RET: variants seen among roughly 807,000 people sequenced by gnomAD.
RET encodes ret proto-oncogene.
RET carries 19 observed loss-of-function variants against 118.3 expected under a neutral mutation model. The ratio of observed to expected loss-of-function variants is 0.16; its 90% CI spans 0.11 to 0.24. The LOEUF is 0.24. Among genes scored for constraint, RET ranks in the 10% least tolerant of loss-of-function variants. RET has a pLI of 1.00. For synonymous variants in RET, 597 were observed against 644.1 expected (o/e 0.93, Z 1.11); for missense variants, 1,219 against 1,502.1 (o/e 0.81, Z 3.12).
intron 1 of RET, among the ~76,000 whole-genome samples, chr10:43,087,765 T>G (rs943910423): frequency 2.0e-5 from 3 of 152,216 alleles, no homozygotes; most frequent in Admixed American, 2.0e-4. Context: ...GGTGGCCCTG[T>G]GGGTCTTCAC....
chr10:43,115,534 T>C (rs1564496861), intron 11 of RET, among the ~76,000 whole-genome samples: 2 of 152,214 alleles, frequency 1.3e-5, no homozygotes, highest in Non-Finnish European at 2.9e-5. Context: ...GTGGTCCCCA[T>C]CCTGGCCTGG....
intron 1 of RET, among the ~76,000 whole-genome samples, chr10:43,078,759 C>T (rs757038260): frequency 6.6e-6 from 1 of 152,210 alleles, no homozygotes; most frequent in Non-Finnish European, 1.5e-5. Context: ...GCTGTGGGGG[C>T]CAGGCTCTGG....
chr10:43,103,966 G>A (rs1837699126), intron 3 of RET, among the ~76,000 whole-genome samples: 1 of 152,202 alleles, frequency 6.6e-6, no homozygotes, highest in Non-Finnish European at 1.5e-5. Flanking sequence ...TATTTCTGGA[G>A]GACAAATCCG....
intron 1 of RET, among the ~76,000 whole-genome samples, chr10:43,095,806 G>A (rs1413361217): frequency 2.0e-5 from 3 of 152,238 alleles, no homozygotes; most frequent in African/African-American, 4.8e-5. Flanking sequence ...CTCTCTGAAT[G>A]TGAGCAGCAA....
chr10:43,127,652 C>A, intron 19 of RET: 4 of 283,620 alleles, frequency 1.4e-5, no homozygotes, highest in Non-Finnish European at 2.5e-5. Flanking sequence ...TTTGTGCTGA[C>A]GATGCTATGA....
intron 3 of RET, 120 bp from the exon 4 acceptor site, chr10:43,104,832 G>A (rs1235202198): frequency 1.5e-5 from 22 of 1,444,274 alleles, no homozygotes; most frequent in Non-Finnish European, 1.9e-5. Flanking sequence ...CGGAGGAGGG[G>A]AGGCCTGGGG....
At chr10:43,117,268 G>A (rs1470526799) in intron 12 of RET, among the ~76,000 whole-genome samples, 2 of 152,280 alleles carry the variant, frequency 1.3e-5, no homozygotes, top group Admixed American at 6.5e-5. Context: ...TGGCGGTGAG[G>A]GAGAGTGGTT....
intron 1 of RET, among the ~76,000 whole-genome samples, chr10:43,098,512 C>T (rs1332673836): frequency 2.0e-5 from 3 of 151,420 alleles, no homozygotes; most frequent in Non-Finnish European, 4.4e-5. Context: ...ACCTCCGCCT[C>T]GTGGGTTCAA....
At chr10:43,090,474 A>G (rs1469677572) in intron 1 of RET, among the ~76,000 whole-genome samples, 1 of 152,072 alleles carries the variant, frequency 6.6e-6, no homozygotes, top group East Asian at 1.9e-4. Context: ...GAGGCCTCAG[A>G]TGGGTCCCTG....
chr10:43,101,168 CT>C (rs1255654219), intron 2 of RET, among the ~76,000 whole-genome samples: 8 of 151,384 alleles, frequency 5.3e-5, no homozygotes, highest in African/African-American at 1.9e-4. Flanking sequence ...GGACTTGGGC[CT>C]GTCCCAGGTG....
At chr10:43,115,939 G>A (rs1298956312) in intron 11 of RET, among the ~76,000 whole-genome samples, 1 of 152,180 alleles carries the variant, frequency 6.6e-6, no homozygotes, top group Non-Finnish European at 1.5e-5. Context: ...CTGGGGTGAC[G>A]GATGCCCAGA....
intron 1 of RET, among the ~76,000 whole-genome samples, chr10:43,078,251 G>C (rs1010393738): frequency 2.6e-5 from 4 of 152,220 alleles, no homozygotes; most frequent in Non-Finnish European, 5.9e-5. Flanking sequence ...TCCCCTCCAA[G>C]CGCTTGTGTA....
rs148655155 is a variant in RET at position 43,094,979 on chromosome 10, G to A, written c.74-5480G>A. On this transcript the variant is annotated intron_variant, in intron 1 of 19. Transcript: ENST00000355710. ...ACAGCCCCACGTGGTCCCTGAGACA[G>A]GAGCAGTAACATCAGAGGCACTAAG... Among the ~76,000 whole-genome samples, 160 of 152,290 alleles carry A rather than the reference G, an allele frequency of 1.1e-3. 3 individuals carry two copies. In the East Asian group the frequency reaches 0.016, roughly 15 times the overall value.
chr10:43,102,360 T>C lies in RET; in HGVS notation c.356T>C (p.Leu119Pro), dbSNP rs1588863912. Residue 119 changes from leucine (L) to proline (P), a missense_variant, in exon 3 of 20, where the codon CTC becomes CCC. Physicochemically the swap from Leu to Pro is moderately conservative, Grantham distance 98. This residue lies in a region of RET where 84 missense variants were observed against 163.6 expected (regional missense o/e 0.51). Coordinates refer to ENST00000355710, the MANE Select transcript of RET (RefSeq NM_020975.6). ...TCTGCAGACCGCGGCTTTCCCCTGC[T>C]CACCGTCTACCTCAAGGTCTTCCTG... is the stretch of plus-strand genomic sequence containing the variant. Reference protein sequence around the residue: ...LSVRNRGFPLLTVYLKVFLSP... With the variant: ...LSVRNRGFPLPTVYLKVFLSP... The C allele has an allele frequency of 6.2e-7, 1 of 1,614,072 alleles. No individual in the cohort carries two copies. Among genetic ancestry groups the C allele is most frequent in the African/African-American group, 1.3e-5 (1 of 74,942 alleles).
At chr10:43,109,461 T>C (rs1407784064) in intron 6 of RET, among the ~76,000 whole-genome samples, 4 of 152,208 alleles carry the variant, frequency 2.6e-5, no homozygotes, top group African/African-American at 9.6e-5. Flanking sequence ...CTTTCCATTC[T>C]TGGTATCTTT....
In RET at chr10:43,129,810, A is replaced by T; in HGVS notation, c.*1541A>T. On this transcript the variant is annotated 3_prime_UTR_variant, in exon 20 of 20. Transcript: ENST00000355710. ...CGCACACACCCAGAGGGAGAGTTTG[A>T]AAAATGCTTATTGGACACGTAACCT... The T allele has an allele frequency of 2.6e-6, 1 of 382,984 alleles. No individual in the cohort carries two copies. Among genetic ancestry groups the T allele is most frequent in the Non-Finnish European group, 4.6e-6 (1 of 218,092 alleles). The allele number at this position is 382,984 out of a possible 1,614,324, so 23.7% of individuals were successfully genotyped here.
At chr10:43,104,295 A>C (rs1837707661) in intron 3 of RET, among the ~76,000 whole-genome samples, 1 of 151,990 alleles carries the variant, frequency 6.6e-6, no homozygotes, top group Non-Finnish European at 1.5e-5. Context: ...AAAAAAAAAA[A>C]ACCTAACAGT....
intron 1 of RET, among the ~76,000 whole-genome samples, chr10:43,090,828 G>A (rs540403818): frequency 6.7e-6 from 1 of 149,984 alleles, no homozygotes; most frequent in Non-Finnish European, 1.5e-5. Context: ...ACCGAGGGCT[G>A]GCCCTAGCGG....
chr10:43,111,570 G>A (rs1319667091), intron 7 of RET, 105 bp downstream of exon 7: 1 of 1,321,810 alleles, frequency 7.6e-7, no homozygotes, highest in Non-Finnish European at 1.0e-6. Flanking sequence ...CTTAGCTGGG[G>A]AGTGGGGAAG....
Sources: allele counts gnomAD v4.1 joint callset (sites outside exome capture counted in the v4.1 genomes callset), GRCh38; gene constraint gnomAD v4.1.1; regional missense constraint gnomAD v4.1.1; transcripts MANE v1.5; gene names NCBI Gene and HGNC (gene_info 2026-07-23, HGNC 2026-07-21).